The following ANKFN1 variants were observed in gnomAD, a reference collection of about 807,000 sequenced individuals.
ANKFN1 encodes the protein ankyrin repeat and fibronectin type-III domain-containing protein 1.
A neutral mutation model predicts 108.7 loss-of-function variants in ANKFN1; 74 were observed. The ratio of observed to expected loss-of-function variants is 0.68; its 90% CI spans 0.56 to 0.83. The LOEUF (loss-of-function observed/expected upper bound fraction) is 0.83, where lower values mean the gene tolerates loss of function less well. Ranked by LOEUF, ANKFN1 falls within the 40% of genes least tolerant of loss-of-function variation. ANKFN1 has a pLI of 0.00. For synonymous variants in ANKFN1, 547 were observed against 516.2 expected (o/e 1.06, Z -0.81); for missense variants, 1,505 against 1,382.3 (o/e 1.09, Z -1.41).
intron 11 of ANKFN1, among the ~76,000 whole-genome samples, chr17:56,456,410 T>TC: frequency 6.7e-6 from 1 of 148,150 alleles, no homozygotes; most frequent in East Asian, 2.0e-4. Flanking sequence ...TCTTTTTTTT[T>TC]TTTTTTTTTT....
chr17:56,210,315 C>T (rs1044689279), intron 1 of ANKFN1, among the ~76,000 whole-genome samples: 4 of 152,196 alleles, frequency 2.6e-5, no homozygotes, highest in African/African-American at 9.7e-5. Flanking sequence ...GGAATCTCTA[C>T]ACTTTTCCAT....
At chr17:56,471,224 A>G (rs1353032927) in intron 15 of ANKFN1, 1 of 152,502 alleles carries the variant, frequency 6.6e-6, no homozygotes, top group Non-Finnish European at 1.5e-5. Context: ...TGGCCTTCCC[A>G]TTTCACCATG....
rs762539140 is a variant in ANKFN1 at position 56,481,948 on chromosome 17, C to CT, written c.2092-395dup. Among the ~76,000 whole-genome samples, 356 of 145,926 alleles carry CT rather than the reference C, an allele frequency of 2.4e-3. 1 individual carries two copies. Among genetic ancestry groups the CT allele is most frequent in the Middle Eastern group, 7.2e-3 (2 of 276 alleles). ...CCTAACTGCCTAACAGTGCATACAA[C>CT]TTTTTTTTTTTTTGGATACTTGTAA... is the stretch of plus-strand genomic sequence containing the variant. On this transcript the variant is annotated intron_variant, in intron 17 of 20. Transcript: ENST00000682825.
rs531541575 is a variant in ANKFN1, at chr17:56,392,530, T to C, written c.910+17816T>C. On this transcript the variant is annotated intron_variant, in intron 8 of 20. Transcript: ENST00000682825. ...TTTTCCATTGTTGAATAGGAGTTTC[T>C]AACCTTTCTGGCTTGTATCATTCAT... 4.6e-5 allele frequency among the ~76,000 whole-genome samples: 7 copies of C among 152,314 alleles called. No homozygotes were observed. In the South Asian group the frequency reaches 1.5e-3, roughly 32 times the overall value.
At chr17:56,149,183 A>C (rs1320692570), upstream of ANKFN1, among the ~76,000 whole-genome samples, 1 of 152,056 alleles carries the variant, frequency 6.6e-6, no homozygotes, top group East Asian at 1.9e-4. Flanking sequence ...TTTTAATTTG[A>C]GATAATAAAT....
intron 1 of ANKFN1, among the ~76,000 whole-genome samples, chr17:56,208,208 A>G (rs1022162190): frequency 6.6e-6 from 1 of 152,102 alleles, no homozygotes. Flanking sequence ...ATGGGGTTTC[A>G]CCATGTTACC....
chr17:56,427,161 C>G (rs540979514), intron 8 of ANKFN1, among the ~76,000 whole-genome samples: 1 of 152,104 alleles, frequency 6.6e-6, no homozygotes, highest in Non-Finnish European at 1.5e-5. Context: ...CCTGAGGAAC[C>G]GCTGCTACTT....
chr17:56,473,917 G>C (rs1406994575), intron 15 of ANKFN1, among the ~76,000 whole-genome samples: 1 of 152,078 alleles, frequency 6.6e-6, no homozygotes, highest in East Asian at 1.9e-4. Flanking sequence ...TTTGTGGTCA[G>C]TTCTGACCCC....
intron 4 of ANKFN1, among the ~76,000 whole-genome samples, chr17:56,104,869 C>T (rs1190625085): frequency 2.0e-5 from 3 of 152,078 alleles, no homozygotes; most frequent in Non-Finnish European, 4.4e-5. Flanking sequence ...CACAGGACAA[C>T]TACATTAAAA....
chr17:56,241,718 A>G (rs1256939022), intron 3 of ANKFN1, among the ~76,000 whole-genome samples: 1 of 152,122 alleles, frequency 6.6e-6, no homozygotes, highest in Non-Finnish European at 1.5e-5. Flanking sequence ...TAGGTACAGT[A>G]AGAGATTAAT....
intron 3 of ANKFN1, among the ~76,000 whole-genome samples, chr17:56,234,527 G>A (rs182357742): frequency 0.011 from 1,622 of 151,706 alleles, 19 homozygotes; most frequent in South Asian, 0.015. Flanking sequence ...AGTAGGTCCC[G>A]GTGTCTGTTG....
rs541836206 is a variant in ANKFN1 at position 56,396,313 on chromosome 17, T to G, written c.910+21599T>G. Reference sequence around the variant, plus strand: ...AAATACAAAAATTAACTGGGCATGGTGGCACACGCCTGTAATTCCAGCTAC... The same window carrying G: ...AAATACAAAAATTAACTGGGCATGGGGGCACACGCCTGTAATTCCAGCTAC... On this transcript the variant is annotated intron_variant, in intron 8 of 20. Transcript: ENST00000682825. Among the ~76,000 whole-genome samples, 4 of 152,258 alleles carry G rather than the reference T, an allele frequency of 2.6e-5. No homozygotes were observed. In the East Asian group the frequency reaches 7.7e-4, roughly 29 times the overall value.
chr17:56,105,133 T>G (rs1431323), intron 4 of ANKFN1, among the ~76,000 whole-genome samples: 82,114 of 151,960 alleles, frequency 0.54, 22,475 homozygotes, highest in East Asian at 0.81. Context: ...CTCACACAGG[T>G]AGATGAACCT....
Position 56,511,081 on chromosome 17 carries a change from C to A in ANKFN1, c.3253C>A (p.Pro1085Thr), listed in dbSNP as rs1212365441. The change falls in exon 21 of 21, where the codon CCT (proline) becomes ACT (threonine). Residue 1085 changes from proline to threonine, a missense_variant. Physicochemically the swap from Pro to Thr is conservative, Grantham distance 38. Transcript: ENST00000682825. ...ERNSSLQDAR[P>T]SVRRLYVEPY... ...GAACAGCAGTCTCCAGGACGCGAGGCCTTCCGTCCGCCGCCTCTACGTGGA... is the reference window on the plus strand; with the variant it reads ...GAACAGCAGTCTCCAGGACGCGAGGACTTCCGTCCGCCGCCTCTACGTGGA... 6.5e-7 allele frequency: 1 copy of A among 1,536,012 alleles called. No homozygotes were observed. The highest frequency in any genetic ancestry group is 1.2e-5 in the South Asian group (1 of 84,054).
intron 10 of ANKFN1, among the ~76,000 whole-genome samples, chr17:56,448,757 T>C (rs554672507): frequency 3.5e-4 from 54 of 152,172 alleles, no homozygotes; most frequent in Non-Finnish European, 6.5e-4. Context: ...GGTTAGGATG[T>C]AGAAGGCTAA....
intron 8 of ANKFN1, among the ~76,000 whole-genome samples, chr17:56,418,479 C>T (rs537194404): frequency 1.2e-4 from 19 of 152,056 alleles, no homozygotes; most frequent in East Asian, 7.7e-4. Flanking sequence ...ATGTTCAAGT[C>T]GATTTTCTTA....
intron 3 of ANKFN1, among the ~76,000 whole-genome samples, chr17:56,298,747 AT>A (rs1368822875): frequency 2.0e-5 from 3 of 152,216 alleles, no homozygotes; most frequent in Admixed American, 2.0e-4. Context: ...TTTTGCATAT[AT>A]TTTCACACAC....
chr17:56,457,093 G>T (rs2049732067), intron 12 of ANKFN1, 133 bp downstream of exon 12: 2 of 1,140,054 alleles, frequency 1.8e-6, no homozygotes, highest in South Asian at 3.2e-5. Flanking sequence ...GAGAATTTGT[G>T]TAAGACAGTA....
At chr17:56,418,685 A>G (rs1369973980) in intron 8 of ANKFN1, among the ~76,000 whole-genome samples, 1 of 152,110 alleles carries the variant, frequency 6.6e-6, no homozygotes, top group Non-Finnish European at 1.5e-5. Flanking sequence ...AGACCCAGAA[A>G]GGTGAAGGGA....
Sources: gnomAD v4.1 joint callset for allele counts (sites outside exome capture counted in the v4.1 genomes callset) on GRCh38, gnomAD v4.1.1 for gene constraint, MANE v1.5 for transcripts, NCBI Gene and HGNC (gene_info 2026-07-23, HGNC 2026-07-21) for gene names.